The following TRIP4 variants were observed in gnomAD, a reference collection of about 807,000 sequenced individuals.
The protein encoded by TRIP4 is activating signal cointegrator 1.
A neutral mutation model predicts 81.8 loss-of-function variants in TRIP4; 54 were observed. The ratio of observed to expected loss-of-function variants is 0.66; its 90% CI spans 0.53 to 0.83. TRIP4 has a LOEUF of 0.83. Ranked by LOEUF, TRIP4 falls within the 40% of genes least tolerant of loss-of-function variation. TRIP4 has a pLI of 0.00. For missense variants in TRIP4, 662 were observed against 683.6 expected, an observed-to-expected ratio of 0.97 and a Z score of 0.35; for synonymous variants, 270 against 242.8, an observed-to-expected ratio of 1.11 and a Z score of -1.04.
intron 4 of TRIP4, among the ~76,000 whole-genome samples, chr15:64,398,330 A>C (rs1356162551): frequency 6.7e-6 from 1 of 149,252 alleles, no homozygotes; most frequent in African/African-American, 2.5e-5. Flanking sequence ...CACTTTGGGA[A>C]GCCAAGGTGG....
rs1892127605 is a variant in TRIP4 at position 64,425,749 on chromosome 15, C to T, written c.1575+118C>T. The T allele has an allele frequency of 8.8e-6, 6 of 679,258 alleles. No homozygotes were observed. The Admixed American group carries it at 1.3e-4, about 14-fold the overall frequency. The allele number at this position is 679,258 out of a possible 1,614,324, so 42.1% of individuals were successfully genotyped here. A position where few individuals can be genotyped will look rare whatever the true frequency, so the allele number is the denominator to read the frequency against. On this transcript the variant is annotated intron_variant, in intron 11 of 12. Coordinates refer to ENST00000261884, the MANE Select transcript of TRIP4 (RefSeq NM_016213.5). Reference sequence around the variant, plus strand: ...AAAGTGCTGGGATTATAGGCATGAGCCACCACACCCAGCCTGGTGCATATA... The same window carrying T: ...AAAGTGCTGGGATTATAGGCATGAGTCACCACACCCAGCCTGGTGCATATA...
At chr15:64,404,308 TTTTTTA>T (rs1318242063) in intron 5 of TRIP4, among the ~76,000 whole-genome samples, 6 of 152,096 alleles carry the variant, frequency 3.9e-5, no homozygotes, top group African/African-American at 1.4e-4. Flanking sequence ...AATTTTATTA[TTTTTTA>T]TTTTTATTTT....
At chr15:64,415,257 G>A (rs1891868472) in intron 8 of TRIP4, among the ~76,000 whole-genome samples, 1 of 152,166 alleles carries the variant, frequency 6.6e-6, no homozygotes. Flanking sequence ...GGAATTTCCA[G>A]GCAGAAGGTA....
intron 2 of TRIP4, among the ~76,000 whole-genome samples, chr15:64,394,507 A>C (rs1285117520): frequency 6.6e-6 from 1 of 150,458 alleles, no homozygotes; most frequent in East Asian, 2.0e-4. Context: ...CAGGAGGCTG[A>C]GGCAGGAGAA....
chr15:64,410,653 G>C (rs1270641078), intron 7 of TRIP4, among the ~76,000 whole-genome samples: 1 of 152,016 alleles, frequency 6.6e-6, no homozygotes, highest in African/African-American at 2.4e-5. Context: ...CAGAATTATA[G>C]GAGAATATAA....
In TRIP4 at chr15:64,409,710, C is replaced by T. The variant is rs147303485; in HGVS notation, c.925C>T (p.Arg309Ter). Reference protein sequence around the residue: ...SKLERETLQKREEELRELRHA... With the variant: ...SKLERETLQK The stretch of plus-strand genomic sequence containing the variant: ...ACTTGAGCGGGAAACCTTGCAGAAG[C>T]GAGAGGAGGAGCTGAGAGAACTTCG... The change falls in exon 7 of 13, where the codon CGA becomes TGA. Residue 309 changes from arginine to a stop codon, truncating the protein, a stop_gained. Coordinates refer to ENST00000261884, the MANE Select transcript of TRIP4 (RefSeq NM_016213.5). LOFTEE classifies it high-confidence loss of function. The T allele has an allele frequency of 2.6e-5, 42 of 1,614,016 alleles. No homozygotes were observed. The highest frequency in any genetic ancestry group is 8.3e-5 in the Admixed American group (5 of 60,006).
At chr15:64,435,481 G>A (rs1161277672) in intron 11 of TRIP4, among the ~76,000 whole-genome samples, 2 of 147,938 alleles carry the variant, frequency 1.4e-5, no homozygotes, top group Admixed American at 6.8e-5. Context: ...AGCCGAGATC[G>A]CGCCACTGCA....
At chr15:64,430,650 A>G (rs1892248807) in intron 11 of TRIP4, among the ~76,000 whole-genome samples, 1 of 152,168 alleles carries the variant, frequency 6.6e-6, no homozygotes. Flanking sequence ...TGTTTGTGCT[A>G]TTTATATCCC....
chr15:64,431,189 A>T (rs1892262710), intron 11 of TRIP4, among the ~76,000 whole-genome samples: 1 of 152,160 alleles, frequency 6.6e-6, no homozygotes, highest in South Asian at 2.1e-4. Flanking sequence ...CTTTTAAAAT[A>T]TGTGAAAATG....
At chr15:64,405,115 C>G (rs533801329) in intron 5 of TRIP4, among the ~76,000 whole-genome samples, 135 of 151,902 alleles carry the variant, frequency 8.9e-4, no homozygotes, top group African/African-American at 3.0e-3. Context: ...GAGTTATACT[C>G]GAGCTCAGAT....
intron 12 of TRIP4, among the ~76,000 whole-genome samples, chr15:64,446,672 G>A (rs1298047497): frequency 2.6e-5 from 4 of 151,452 alleles, no homozygotes; most frequent in Admixed American, 2.6e-4. Flanking sequence ...AAAGTGCTGG[G>A]ATTACAGGCG....
chr15:64,451,159 C>G (rs906758553), intron 12 of TRIP4, among the ~76,000 whole-genome samples: 2 of 152,100 alleles, frequency 1.3e-5, no homozygotes, highest in African/African-American at 2.4e-5. Flanking sequence ...GTTGCCCAGG[C>G]TGGCATGCAC....
At chr15:64,421,746 C>T (rs1157973774) in intron 9 of TRIP4, among the ~76,000 whole-genome samples, 5 of 152,108 alleles carry the variant, frequency 3.3e-5, no homozygotes, top group African/African-American at 9.7e-5. Context: ...CAGCTTGTAA[C>T]TTAAGAATAA....
chr15:64,428,740 C>G lies in TRIP4; in HGVS notation c.1575+3109C>G, dbSNP rs531823859. On this transcript the variant is annotated intron_variant, in intron 11 of 12. Transcript: ENST00000261884. The stretch of plus-strand genomic sequence containing the variant: ...TCTCTTGCCTCACCCTCCTGAGTAG[C>G]TGGGATTACAGGCACATACCACCAC... Among the ~76,000 whole-genome samples the G allele has an allele frequency of 2.6e-5, 4 of 152,212 alleles. No homozygotes were observed. The East Asian group carries it at 7.8e-4, about 30-fold the overall frequency.
At chr15:64,435,822 T>TAAAAAAA (rs57170652) in intron 11 of TRIP4, among the ~76,000 whole-genome samples, 6 of 65,958 alleles carry the variant, frequency 9.1e-5, no homozygotes, top group African/African-American at 3.4e-4. Context: ...GGAAGCTTCT[T>TAAAAAAA]AAAAAAAAAA....
chr15:64,388,082 C>G, intron 1 of TRIP4, 118 bp downstream of exon 1: 1 of 1,373,486 alleles, frequency 7.3e-7, no homozygotes, highest in Non-Finnish European at 9.4e-7. Context: ...GGGCTGCAGT[C>G]TGTAGTCTGT....
At chr15:64,433,375 T>G (rs2140306157) in intron 11 of TRIP4, among the ~76,000 whole-genome samples, 1 of 152,176 alleles carries the variant, frequency 6.6e-6, no homozygotes, top group Non-Finnish European at 1.5e-5. Flanking sequence ...AAATAACTTG[T>G]GTAATGTCCA....
chr15:64,393,797 G>A (rs970567892), intron 1 of TRIP4, 149 bp from the exon 2 acceptor site: 15 of 619,064 alleles, frequency 2.4e-5, no homozygotes, highest in Middle Eastern at 9.1e-4. Flanking sequence ...GGATCGTATC[G>A]TATTTCTAGC....
intron 11 of TRIP4, among the ~76,000 whole-genome samples, chr15:64,437,116 A>G (rs949659726): frequency 1.3e-5 from 2 of 151,648 alleles, no homozygotes; most frequent in East Asian, 4.0e-4. Context: ...GAGGGAGACA[A>G]TGGTAGATAT....
Sources: gnomAD v4.1 joint callset for allele counts (sites outside exome capture counted in the v4.1 genomes callset) on GRCh38, gnomAD v4.1.1 for gene constraint, MANE v1.5 for transcripts, NCBI Gene and HGNC (gene_info 2026-07-23, HGNC 2026-07-21) for gene names.